C15orf40: variants seen among roughly 807,000 people sequenced by gnomAD.
C15orf40 encodes UPF0235 protein C15orf40.
Under a neutral mutation model 13.9 loss-of-function variants are expected in C15orf40, and 9 were observed. The ratio of observed to expected loss-of-function variants is 0.65; its 90% confidence interval spans 0.39 to 1.13. The LOEUF is 1.13. Among genes scored for constraint, C15orf40 ranks in the 50% most tolerant of loss-of-function variants. C15orf40 has a pLI of 0.01. For missense variants in C15orf40, 225 were observed against 188.5 expected (o/e 1.19, Z -1.13); for synonymous variants, 95 against 69.2 (o/e 1.37, Z -1.85).
chr15:82,994,072 T>A (rs940665438), downstream of C15orf40, among the ~76,000 whole-genome samples: 20 of 152,300 alleles, frequency 1.3e-4, no homozygotes, highest in African/African-American at 4.3e-4. Flanking sequence ...GAAAAAGACA[T>A]CTGGGGAGAT....
At chr15:83,008,818 A>T in intron 2 of C15orf40, 143 bp from the exon 3 acceptor site, 1 of 926,796 alleles carries the variant, frequency 1.1e-6, no homozygotes, top group Non-Finnish European at 1.6e-6. Context: ...GAATGATTAA[A>T]CTAATCACAT....
chr15:82,989,015 C>T, downstream of C15orf40: 2 of 1,595,730 alleles, frequency 1.3e-6, no homozygotes, highest in Non-Finnish European at 8.5e-7. Context: ...TACAGATTTT[C>T]AGAATGACTG....
chr15:83,008,187 G>A (rs946400747), intron 3 of C15orf40: 6 of 222,100 alleles, frequency 2.7e-5, no homozygotes, highest in East Asian at 1.3e-4. Context: ...GCGAGACTCC[G>A]TCTCAAAAAA....
rs1375517170 is a variant in C15orf40, at chr15:83,011,480, C to A, written c.111+17G>T. The stretch of plus-strand genomic sequence containing the variant: ...CCTGAGGCCCACCCCTCTGCCGCCA[C>A]GGGACCTGCTACTGGCCTTGGTCGT... On this transcript the variant is annotated intron_variant, in intron 1 of 3. Coordinates refer to ENST00000304177, the MANE Select transcript of C15orf40 (RefSeq NM_144597.3). The A allele has an allele frequency of 3.8e-6, 6 of 1,592,138 alleles. No homozygotes were observed. The African/African-American group carries it at 6.8e-5, about 18-fold the overall frequency.
At position 82,999,466 on chromosome 15, in the gene C15orf40, G is replaced by C. The variant is rs1640179937; in HGVS notation, c.*6131C>G. On this transcript the variant is annotated 3_prime_UTR_variant, in exon 4 of 4. Coordinates refer to ENST00000304177, the MANE Select transcript of C15orf40 (RefSeq NM_144597.3). Reference sequence around the variant, plus strand: ...CTACCTCAGCTTCCCAAAGTGCTGGGATTACAAGCGTGAGCCAACATGGCC... The same window carrying C: ...CTACCTCAGCTTCCCAAAGTGCTGGCATTACAAGCGTGAGCCAACATGGCC... 1.3e-5 allele frequency: 2 copies of C among 152,126 alleles called. No homozygotes were observed. The highest frequency in any genetic ancestry group is 4.8e-5 in the African/African-American group (2 of 41,376). The allele number at this position is 152,126 out of a possible 1,614,324, so 9.4% of individuals were successfully genotyped here.
rs1200848550 is a variant in C15orf40 at position 83,000,767 on chromosome 15, G to GACAGCCC, written c.*4823_*4829dup. The GACAGCCC allele has an allele frequency of 6.6e-6, 1 of 152,264 alleles. No homozygotes were observed. Among genetic ancestry groups the GACAGCCC allele is most frequent in the African/African-American group, 2.4e-5 (1 of 41,468 alleles). The allele number at this position is 152,264 out of a possible 1,614,324, so 9.4% of individuals were successfully genotyped here. Reference sequence around the variant, plus strand: ...CCCTGGAATCTAGGAGGGGGATGCTGACAGCCCACAGCCCAGAGAGCTGCC... The same window carrying GACAGCCC: ...CCCTGGAATCTAGGAGGGGGATGCTGACAGCCCACAGCCCACAGCCCAGAGAGCTGCC... On this transcript the variant is annotated 3_prime_UTR_variant, in exon 4 of 4. Coordinates refer to ENST00000304177, the MANE Select transcript of C15orf40 (RefSeq NM_144597.3).
At position 83,001,003 on chromosome 15, in the gene C15orf40, G is replaced by C. The variant is rs762102508; in HGVS notation, c.*4594C>G. ...AATATTTGTATTTGTAGTAGAAACA[G>C]GGTTTCGCCATATTGGTCAGGCTGG... On this transcript the variant is annotated 3_prime_UTR_variant, in exon 4 of 4. Coordinates refer to ENST00000304177, the MANE Select transcript of C15orf40 (RefSeq NM_144597.3). The C allele has an allele frequency of 3.7e-5, 17 of 454,360 alleles. No homozygotes were observed. The highest frequency in any genetic ancestry group is 6.4e-5 in the Admixed American group (1 of 15,620). The allele number at this position is 454,360 out of a possible 1,614,324, so 28.1% of individuals were successfully genotyped here.
rs766172072 is a variant in C15orf40, at chr15:83,008,637, G to C, written c.277C>G (p.Pro93Ala). 6.2e-7 allele frequency: 1 copy of C among 1,613,070 alleles called. No individual in the cohort carries two copies. Among genetic ancestry groups the C allele is most frequent in the Admixed American group, 1.7e-5 (1 of 59,808 alleles). ...AEAVNVAIAA[P>A]PSEGEANAEL... ...GCATTAGCCTCTCCCTCTGATGGAGGTGCTGCAATAGCTACATTTACAGCC... is the reference window on the plus strand; with the variant it reads ...GCATTAGCCTCTCCCTCTGATGGAGCTGCTGCAATAGCTACATTTACAGCC... Residue 93 changes from proline to alanine, a missense_variant, in exon 3 of 4, where the codon CCT becomes GCT. Physicochemically the swap from Pro to Ala is conservative, Grantham distance 27. Coordinates refer to ENST00000304177, the MANE Select transcript of C15orf40 (RefSeq NM_144597.3).
At chr15:83,006,390 A>C in intron 3 of C15orf40, 1 of 985,254 alleles carries the variant, frequency 1.0e-6, no homozygotes, top group South Asian at 4.7e-5. Flanking sequence ...TATGTTGTTA[A>C]ACATTTCTGA....
rs1028485882 is a variant in C15orf40, at chr15:83,011,599, C to T, written c.9G>A (p.Arg3=). 5.1e-6 allele frequency: 8 copies of T among 1,583,466 alleles called. No homozygotes were observed. Among genetic ancestry groups the T allele is most frequent in the Non-Finnish European group, 6.0e-6 (7 of 1,168,814 alleles). Residue 3 remains arginine, a synonymous_variant, in exon 1 of 4, where the codon CGG becomes CGA. Transcript: ENST00000304177. ...GAAGGTGCCTCAGCCCGCTGCGGAG[C>T]CGCAGCATCCCCGCCTGGGAAGGCG... The part of the protein sequence containing the change: ML[R]LRSGLRHLRA...
At chr15:83,006,478 G>A (rs1730559405) in intron 3 of C15orf40, 10 of 985,214 alleles carry the variant, frequency 1.0e-5, no homozygotes, top group African/African-American at 1.7e-5. Context: ...AGGATTTGTT[G>A]GCCAGGTGTG....
intron 3 of C15orf40, among the ~76,000 whole-genome samples, chr15:83,005,925 G>A (rs975345469): frequency 6.6e-6 from 1 of 151,980 alleles, no homozygotes; most frequent in African/African-American, 2.4e-5. Flanking sequence ...TATAATAAAA[G>A]CTGGACATTA....
chr15:83,009,178 C>T (rs564560627), intron 2 of C15orf40, among the ~76,000 whole-genome samples: 1 of 152,316 alleles, frequency 6.6e-6, no homozygotes, highest in East Asian at 1.9e-4. Flanking sequence ...ATAATGTTTA[C>T]TTAACAAATA....
At chr15:82,992,335 G>A (rs893941021), downstream of C15orf40, among the ~76,000 whole-genome samples, 1 of 152,134 alleles carries the variant, frequency 6.6e-6, no homozygotes, top group African/African-American at 2.4e-5. Context: ...GGCCAATATG[G>A]TGAAATCCTG....
In C15orf40 at chr15:83,002,467, T is replaced by C. The variant is rs1446379843; in HGVS notation, c.*3130A>G. On this transcript the variant is annotated 3_prime_UTR_variant, in exon 4 of 4. Transcript: ENST00000304177. ...TTGCTTCTGAGTATGCTGACCCCAT[T>C]TCCACCTCTAGGATGGGCCTTAATT... 6.6e-6 allele frequency: 1 copy of C among 152,258 alleles called. No individual in the cohort carries two copies. The highest frequency in any genetic ancestry group is 1.5e-5 in the Non-Finnish European group (1 of 68,064). The allele number at this position is 152,258 out of a possible 1,614,324, so 9.4% of individuals were successfully genotyped here. A position where few individuals can be genotyped will look rare whatever the true frequency, so the allele number is the denominator to read the frequency against.
chr15:83,002,972 C>G lies in C15orf40; in HGVS notation c.*2625G>C, dbSNP rs2031481615. 1 of 152,088 alleles carries G rather than the reference C, an allele frequency of 6.6e-6. No individual in the cohort carries two copies. Among genetic ancestry groups the G allele is most frequent in the Non-Finnish European group, 1.5e-5 (1 of 68,046 alleles). The allele number at this position is 152,088 out of a possible 1,614,324, so 9.4% of individuals were successfully genotyped here. On this transcript the variant is annotated 3_prime_UTR_variant, in exon 4 of 4. Transcript: ENST00000304177. ...GATTACAAGCATCTGCCACTATGCCCAGGTAACTTTTGTATTTTTAGTAGA... is the reference window on the plus strand; with the variant it reads ...GATTACAAGCATCTGCCACTATGCCGAGGTAACTTTTGTATTTTTAGTAGA...
Position 82,999,033 on chromosome 15 carries a change from G to A in C15orf40, c.*6564C>T, listed in dbSNP as rs979866486. The A allele has an allele frequency of 4.3e-4, 67 of 157,230 alleles. 1 individual carries two copies. Among genetic ancestry groups the A allele is most frequent in the African/African-American group, 1.5e-3 (60 of 39,738 alleles). The allele number at this position is 157,230 out of a possible 1,614,324, so 9.7% of individuals were successfully genotyped here. A position where few individuals can be genotyped will look rare whatever the true frequency, so the allele number is the denominator to read the frequency against. On this transcript the variant is annotated 3_prime_UTR_variant, in exon 4 of 4. Coordinates refer to ENST00000304177, the MANE Select transcript of C15orf40 (RefSeq NM_144597.3). ...AAACCAGTCAGGCGTGGCGGCGCGC[G>A]CCTGCAATCACAGGCACTGGGCAGG...
chr15:82,999,030 C>T lies in C15orf40; in HGVS notation c.*6567G>A, dbSNP rs1009939745. On this transcript the variant is annotated 3_prime_UTR_variant, in exon 4 of 4. Transcript: ENST00000304177. ...CCAAAACCAGTCAGGCGTGGCGGCG[C>T]GCGCCTGCAATCACAGGCACTGGGC... The T allele has an allele frequency of 1.1e-3, 178 of 158,000 alleles. No homozygotes were observed. The highest frequency in any genetic ancestry group is 1.8e-3 in the Non-Finnish European group (131 of 73,942). The allele number at this position is 158,000 out of a possible 1,614,324, so 9.8% of individuals were successfully genotyped here. A position where few individuals can be genotyped will look rare whatever the true frequency, so the allele number is the denominator to read the frequency against.
chr15:83,005,746 T>C, intron 3 of C15orf40, 54 bp from the exon 4 acceptor site: 1 of 1,561,008 alleles, frequency 6.4e-7, no homozygotes, highest in Non-Finnish European at 8.7e-7. Context: ...CTAATGCTAT[T>C]AGAGATAGCA....
Sources: allele counts gnomAD v4.1 joint callset (sites outside exome capture counted in the v4.1 genomes callset), GRCh38; gene constraint gnomAD v4.1.1; transcripts MANE v1.5; gene names NCBI Gene and HGNC (gene_info 2026-07-23, HGNC 2026-07-21).